RAB3GAP1: variants seen among roughly 807,000 people sequenced by gnomAD.
The protein encoded by RAB3GAP1 is RAB3 GTPase activating protein catalytic subunit 1, also known as rab3 GTPase-activating protein catalytic subunit.
Under a neutral mutation model 130.7 loss-of-function variants are expected in RAB3GAP1, and 86 were observed. That is an observed-to-expected ratio of 0.66 (90% CI 0.55 to 0.79). RAB3GAP1 has a LOEUF of 0.79. RAB3GAP1 is among the 30% of genes least tolerant of loss of function. The pLI is 0.00. For missense variants in RAB3GAP1, 1,029 were observed against 1,169.4 expected, an observed-to-expected ratio of 0.88 and a Z score of 1.75; for synonymous variants, 367 against 401.7, an observed-to-expected ratio of 0.91 and a Z score of 1.03.
At chr2:135,129,762 A>G (rs1691477278) in intron 11 of RAB3GAP1, among the ~76,000 whole-genome samples, 1 of 152,062 alleles carries the variant, frequency 6.6e-6, no homozygotes, top group Non-Finnish European at 1.5e-5. Context: ...TTCCTTCTAG[A>G]TGGAATTCTA....
In RAB3GAP1 at chr2:135,163,071, A is replaced by T; in HGVS notation, c.2576A>T (p.Glu859Val). 1 of 1,613,728 alleles carries T rather than the reference A, an allele frequency of 6.2e-7. No individual in the cohort carries two copies. The highest frequency in any genetic ancestry group is 8.5e-7 in the Non-Finnish European group (1 of 1,179,606). The change falls in exon 22 of 24, where the codon GAA (glutamate) becomes GTA (valine). Residue 859 changes from glutamate (E) to valine (V), a missense_variant. By Grantham distance (121) the Glu-to-Val change is moderately radical. Transcript: ENST00000264158. ...LKAKFGTEKC[E>V]QEEEKEDLER... ...GCCAAGTTTGGAACTGAGAAATGTG[A>T]ACAGGAGGAGGAAAAGGAAGATCTT...
rs556590270 is a variant in RAB3GAP1 at position 135,141,772 on chromosome 2, G to A, written c.1923+5840G>A. ...GTTAAGATTCTCTTTTCTCTATAGG[G>A]AGATTGAATTGTTCCACCACCACTG... On this transcript the variant is annotated intron_variant, in intron 17 of 23. Coordinates refer to ENST00000264158, the MANE Select transcript of RAB3GAP1 (RefSeq NM_012233.3). 1.3e-4 allele frequency among the ~76,000 whole-genome samples: 20 copies of A among 152,268 alleles called. No homozygotes were observed. In the East Asian group the frequency reaches 3.9e-3, roughly 29 times the overall value.
At chr2:135,089,937 G>A (rs1456969970) in intron 3 of RAB3GAP1, 2 of 242,252 alleles carry the variant, frequency 8.3e-6, no homozygotes, top group South Asian at 3.6e-5. Context: ...GACCTGTTGC[G>A]GGAGGGGAGG....
At chr2:135,110,711 G>A (rs543259936) in intron 5 of RAB3GAP1, among the ~76,000 whole-genome samples, 1 of 152,172 alleles carries the variant, frequency 6.6e-6, no homozygotes, top group Non-Finnish European at 1.5e-5. Context: ...TAGAGATATA[G>A]ATGTAGAAAA....
intron 3 of RAB3GAP1, among the ~76,000 whole-genome samples, chr2:135,073,222 T>C (rs1297753204): frequency 6.6e-6 from 1 of 152,244 alleles, no homozygotes; most frequent in Non-Finnish European, 1.5e-5. Context: ...TTTTTTCTTT[T>C]GGACAGAGAG....
In RAB3GAP1 at chr2:135,134,011, G is replaced by T. The variant is rs1691617104; in HGVS notation, c.1477G>T (p.Glu493Ter). The T allele has an allele frequency of 6.2e-7, 1 of 1,613,848 alleles. No individual in the cohort carries two copies. ...EFVLEMRFRW[E>*]NNFLIPGLAS... ...TGTTCTTGAAATGCGTTTCCGATGG[G>T]AAAACAACTTTCTGATTCCAGGGTA... The change falls in exon 15 of 24, where the codon GAA becomes TAA. Residue 493 changes from glutamate to a stop codon, truncating the protein, a stop_gained. Transcript: ENST00000264158. LOFTEE classifies it high-confidence loss of function.
chr2:135,129,613 T>G (rs1691471548), intron 11 of RAB3GAP1, among the ~76,000 whole-genome samples: 1 of 152,172 alleles, frequency 6.6e-6, no homozygotes, highest in South Asian at 2.1e-4. Context: ...TGGATTTAGA[T>G]TCTAGTAGTG....
At chr2:135,061,851 T>C (rs1340652334) in intron 3 of RAB3GAP1, among the ~76,000 whole-genome samples, 1 of 152,124 alleles carries the variant, frequency 6.6e-6, no homozygotes, top group Non-Finnish European at 1.5e-5. Flanking sequence ...TCAAGTTTCT[T>C]CTTCCTTTTT....
At chr2:135,152,353 A>G (rs1397164163) in intron 18 of RAB3GAP1, among the ~76,000 whole-genome samples, 1 of 152,250 alleles carries the variant, frequency 6.6e-6, no homozygotes, top group Non-Finnish European at 1.5e-5. Flanking sequence ...CTTGGTAGCT[A>G]TGTTCAGCCT....
At chr2:135,061,694 A>C (rs530938877) in intron 3 of RAB3GAP1, among the ~76,000 whole-genome samples, 3 of 151,910 alleles carry the variant, frequency 2.0e-5, no homozygotes, top group African/African-American at 7.2e-5. Flanking sequence ...GTATATATAT[A>C]TTCTGCTTTT....
At position 135,076,993 on chromosome 2, in the gene RAB3GAP1, A is replaced by G. The variant is rs547174972; in HGVS notation, c.151-14005A>G. Reference sequence around the variant, plus strand: ...CATTTTAAAATCCATTCCTTGGCCAAGCACAGTGGCTCATGCCTGTAATCC... The same window carrying G: ...CATTTTAAAATCCATTCCTTGGCCAGGCACAGTGGCTCATGCCTGTAATCC... On this transcript the variant is annotated intron_variant, in intron 3 of 23. Transcript: ENST00000264158. 2.0e-5 allele frequency among the ~76,000 whole-genome samples: 3 copies of G among 152,312 alleles called. No homozygotes were observed. The South Asian group carries it at 6.2e-4, about 32-fold the overall frequency.
At chr2:135,054,682 A>T (rs1047923459) in intron 2 of RAB3GAP1, among the ~76,000 whole-genome samples, 13 of 152,250 alleles carry the variant, frequency 8.5e-5, no homozygotes, top group African/African-American at 3.1e-4. Context: ...GTAGGGAAAC[A>T]TCAGTTTTGA....
At chr2:135,117,786 GCTTCTTCTTCTTCTTCTT>G (rs1164520454) in intron 7 of RAB3GAP1, among the ~76,000 whole-genome samples, 1 of 119,216 alleles carries the variant, frequency 8.4e-6, no homozygotes, top group South Asian at 2.6e-4. Context: ...TGCTTCTTCT[GCTTCTTCTTCTTCTTCTT>G]CTTCTTTCTT....
At chr2:135,173,338 G>C (rs1573629734), downstream of RAB3GAP1, among the ~76,000 whole-genome samples, 2 of 151,794 alleles carry the variant, frequency 1.3e-5, no homozygotes, top group East Asian at 3.9e-4. Context: ...GAAAGGAAGA[G>C]GAGGACAAAG....
At chr2:135,065,767 ATT>A (rs1201634667) in intron 3 of RAB3GAP1, among the ~76,000 whole-genome samples, 12 of 123,904 alleles carry the variant, frequency 9.7e-5, no homozygotes, top group Admixed American at 3.3e-4. Flanking sequence ...ATCTTCACTA[ATT>A]TTTTTTTTTT....
At chr2:135,121,246 G>A (rs910013738) in intron 8 of RAB3GAP1, among the ~76,000 whole-genome samples, 7 of 152,086 alleles carry the variant, frequency 4.6e-5, no homozygotes, top group Admixed American at 4.6e-4. Flanking sequence ...ACTATTATGA[G>A]AGAAGAGCTG....
chr2:135,087,307 G>T (rs2104869323), intron 3 of RAB3GAP1, among the ~76,000 whole-genome samples: 1 of 152,218 alleles, frequency 6.6e-6, no homozygotes, highest in Non-Finnish European at 1.5e-5. Context: ...CTTAATTATT[G>T]TAGCAAAGTG....
downstream of RAB3GAP1, among the ~76,000 whole-genome samples, chr2:135,174,886 C>T (rs1692963826): frequency 1.3e-5 from 2 of 152,344 alleles, no homozygotes; most frequent in South Asian, 2.1e-4. Context: ...CTGAGTCCCA[C>T]CCAAGGGCTT....
At chr2:135,163,449 A>G (rs372340193) in intron 22 of RAB3GAP1, among the ~76,000 whole-genome samples, 1 of 152,190 alleles carries the variant, frequency 6.6e-6, no homozygotes, top group African/African-American at 2.4e-5. Flanking sequence ...AGCTGTTACT[A>G]TTCCTTGACC....
Sources: allele counts gnomAD v4.1 joint callset (sites outside exome capture counted in the v4.1 genomes callset), GRCh38; gene constraint gnomAD v4.1.1; transcripts MANE v1.5; gene names NCBI Gene and HGNC (gene_info 2026-07-23, HGNC 2026-07-21).